The following ADAM22 variants were observed in gnomAD, a reference collection of about 807,000 sequenced individuals.
ADAM22 encodes ADAM metallopeptidase domain 22, also known as disintegrin and metalloproteinase domain-containing protein 22.
Under a neutral mutation model 144.6 loss-of-function variants are expected in ADAM22, and 65 were observed. That is an observed-to-expected ratio of 0.45 (90% CI 0.37 to 0.55). The LOEUF is 0.55. ADAM22 is among the 20% of genes least tolerant of loss of function. ADAM22 has a pLI of 0.00. For synonymous variants in ADAM22, 391 were observed against 412.6 expected (o/e 0.95, Z 0.63); for missense variants, 974 against 1,184.9 (o/e 0.82, Z 2.61).
chr7:87,950,306 A>G (rs959626524), intron 2 of ADAM22, among the ~76,000 whole-genome samples: 2 of 111,844 alleles, frequency 1.8e-5, no homozygotes, highest in African/African-American at 7.0e-5. Flanking sequence ...ACCCCACAAC[A>G]GTCACCAGAG....
In ADAM22 at chr7:88,132,849, C is replaced by T. The variant is rs1325654431; in HGVS notation, c.993-18C>T. 5 of 1,609,632 alleles carry T rather than the reference C, an allele frequency of 3.1e-6. No individual in the cohort carries two copies. Among genetic ancestry groups the T allele is most frequent in the African/African-American group, 1.3e-5 (1 of 74,880 alleles). Reference sequence around the variant, plus strand: ...TGAACTGTGAACAGTAAGCATTTTTCATTTCCTTTTCTAAAAGGGGAAGTC... The same window carrying T: ...TGAACTGTGAACAGTAAGCATTTTTTATTTCCTTTTCTAAAAGGGGAAGTC... On this transcript the variant is annotated intron_variant, in intron 11 of 31. Coordinates refer to ENST00000413139, the MANE Select transcript of ADAM22 (RefSeq NM_001324418.2).
At chr7:88,114,561 A>T in intron 5 of ADAM22, 23 bp from the exon 6 acceptor site, 1 of 1,611,720 alleles carries the variant, frequency 6.2e-7, no homozygotes, top group Non-Finnish European at 8.5e-7. Context: ...GGCCATGCCT[A>T]ATTATTTTTT....
intron 17 of ADAM22, among the ~76,000 whole-genome samples, chr7:88,148,130 C>G (rs1837117746): frequency 6.6e-6 from 1 of 152,106 alleles, no homozygotes; most frequent in Non-Finnish European, 1.5e-5. Flanking sequence ...CTGTAGAGTT[C>G]TGAGCAGCTA....
intron 8 of ADAM22, among the ~76,000 whole-genome samples, chr7:88,128,397 T>C (rs1316552896): frequency 6.6e-6 from 1 of 152,026 alleles, no homozygotes; most frequent in Non-Finnish European, 1.5e-5. Flanking sequence ...ACATTCATCT[T>C]CTGCCCTTTT....
Position 88,131,346 on chromosome 7 carries a change from A to G in ADAM22, c.903A>G (p.Ile301Met). The G allele has an allele frequency of 6.2e-7, 1 of 1,613,900 alleles. No individual in the cohort carries two copies. Among genetic ancestry groups the G allele is most frequent in the Non-Finnish European group, 8.5e-7 (1 of 1,179,870 alleles). The stretch of plus-strand genomic sequence containing the variant: ...GGGCGACTGACAACAAGTTTGCCAT[A>G]TCTGAAAATCCATTGATCACCCTAC... ...ETWATDNKFA[I>M]SENPLITLRE... The change falls in exon 11 of 32, where the codon ATA becomes ATG. Residue 301 changes from isoleucine to methionine, a missense_variant. By Grantham distance (10) the Ile-to-Met change is conservative (BLOSUM62 1). Transcript: ENST00000413139.
At chr7:87,940,282 A>C (rs527871754) in intron 2 of ADAM22, among the ~76,000 whole-genome samples, 1 of 152,018 alleles carries the variant, frequency 6.6e-6, no homozygotes, top group South Asian at 2.1e-4. Flanking sequence ...AAACATCACT[A>C]TGTACCCCAT....
chr7:88,040,040 T>C (rs530880908), intron 3 of ADAM22, among the ~76,000 whole-genome samples: 1 of 152,178 alleles, frequency 6.6e-6, no homozygotes, highest in East Asian at 1.9e-4. Flanking sequence ...ACCTCTTTCA[T>C]GACTGTTCTC....
At chr7:88,091,438 A>T (rs911804085) in intron 4 of ADAM22, among the ~76,000 whole-genome samples, 1 of 152,170 alleles carries the variant, frequency 6.6e-6, no homozygotes, top group African/African-American at 2.4e-5. Context: ...TGCAATCTGT[A>T]TGTCTTTCAA....
chr7:88,060,594 C>A (rs4728729), intron 3 of ADAM22, among the ~76,000 whole-genome samples: 1 of 150,428 alleles, frequency 6.6e-6, no homozygotes, highest in South Asian at 2.1e-4. Flanking sequence ...TGGTGAAACC[C>A]GTCTCTACTA....
chr7:88,015,549 A>T (rs1043530383), intron 3 of ADAM22, among the ~76,000 whole-genome samples: 1 of 152,188 alleles, frequency 6.6e-6, no homozygotes, highest in African/African-American at 2.4e-5. Flanking sequence ...TTGATCAAAT[A>T]AAAAAGCTGC....
At chr7:88,153,131 G>T in intron 20 of ADAM22, 90 bp from the exon 21 acceptor site, 2 of 792,556 alleles carry the variant, frequency 2.5e-6, no homozygotes, top group Non-Finnish European at 4.1e-6. Flanking sequence ...GTGATGAAGA[G>T]TCCTTATATT....
intron 18 of ADAM22, among the ~76,000 whole-genome samples, chr7:88,150,653 T>C (rs1334034607): frequency 1.3e-5 from 2 of 152,222 alleles, no homozygotes; most frequent in Non-Finnish European, 2.9e-5. Flanking sequence ...AAATGTATCA[T>C]TAATTGAGTC....
chr7:88,165,258 T>TAGA (rs1842683189), intron 23 of ADAM22, among the ~76,000 whole-genome samples: 1 of 152,112 alleles, frequency 6.6e-6, no homozygotes, highest in Non-Finnish European at 1.5e-5. Context: ...ATCTTTTTTC[T>TAGA]ATACTCAATT....
At chr7:88,026,331 A>G (rs934795338) in intron 3 of ADAM22, among the ~76,000 whole-genome samples, 2 of 152,182 alleles carry the variant, frequency 1.3e-5, no homozygotes, top group African/African-American at 4.8e-5. Context: ...CCAACAGAGA[A>G]GGGAGAGGTG....
At chr7:88,161,439 G>A (rs759884473) in intron 22 of ADAM22, among the ~76,000 whole-genome samples, 4 of 152,038 alleles carry the variant, frequency 2.6e-5, no homozygotes. Flanking sequence ...GACACCAGAA[G>A]CAATCATAAC....
intron 29 of ADAM22, among the ~76,000 whole-genome samples, chr7:88,185,402 G>A (rs548820097): frequency 2.5e-3 from 380 of 152,292 alleles, no homozygotes; most frequent in South Asian, 9.9e-3. Context: ...AGTCTTCCAT[G>A]TTTATGACGA....
intron 3 of ADAM22, among the ~76,000 whole-genome samples, chr7:88,042,764 C>T (rs1485008809): frequency 6.6e-6 from 1 of 151,588 alleles, no homozygotes; most frequent in Non-Finnish European, 1.5e-5. Flanking sequence ...AAGGGAGACT[C>T]GATGATAGCT....
chr7:88,190,875 C>A (rs1393946270), intron 30 of ADAM22, among the ~76,000 whole-genome samples: 3 of 152,100 alleles, frequency 2.0e-5, no homozygotes, highest in Non-Finnish European at 4.4e-5. Flanking sequence ...CCTCCAGGAC[C>A]CTTTCCCCTG....
chr7:87,953,955 G>A (rs1301968626), intron 2 of ADAM22, among the ~76,000 whole-genome samples: 1 of 152,048 alleles, frequency 6.6e-6, no homozygotes, highest in Non-Finnish European at 1.5e-5. Context: ...TCAGAGACTA[G>A]GATTGCAACC....
Sources: allele counts gnomAD v4.1 joint callset (sites outside exome capture counted in the v4.1 genomes callset), GRCh38; gene constraint gnomAD v4.1.1; transcripts MANE v1.5; gene names NCBI Gene and HGNC (gene_info 2026-07-23, HGNC 2026-07-21).